The following CREBBP variants were observed in gnomAD, a reference collection of about 807,000 sequenced individuals.
CREBBP encodes the protein CREB binding lysine acetyltransferase, also known as CREB-binding protein.
A neutral mutation model predicts 265.0 loss-of-function variants in CREBBP; 19 were observed. The observed-to-expected ratio is 0.07, with a 90% CI of 0.05 to 0.11. The LOEUF is 0.11. Among genes scored for constraint, CREBBP ranks in the 10% least tolerant of loss-of-function variants. The pLI is 1.00. For synonymous variants in CREBBP, 1,457 were observed against 1,223.7 expected, an observed-to-expected ratio of 1.19 and a Z score of -3.98; for missense variants, 2,525 against 3,219.0, an observed-to-expected ratio of 0.78 and a Z score of 5.22.
At position 3,825,600 on chromosome 16, in the gene CREBBP, A is replaced by G. The variant is rs572102609; in HGVS notation, c.799-14821T>C. ...TTCAGTCCTCTTCTGACAAAAAAAA[A>G]AGAAAATGAGATCTACATCACAGTT... On this transcript the variant is annotated intron_variant, in intron 2 of 30. Transcript: ENST00000262367. 4.6e-5 allele frequency among the ~76,000 whole-genome samples: 7 copies of G among 151,850 alleles called. No individual in the cohort carries two copies. In the South Asian group the frequency reaches 1.5e-3, roughly 32 times the overall value.
chr16:3,790,421 C>A (rs865896382), intron 5 of CREBBP, among the ~76,000 whole-genome samples: 28 of 120,298 alleles, frequency 2.3e-4, no homozygotes, highest in African/African-American at 8.8e-4. Context: ...GTTGCCCAGG[C>A]TGGAGTGCAC....
chr16:3,826,244 T>C (rs1439513522), intron 2 of CREBBP, among the ~76,000 whole-genome samples: 3 of 152,140 alleles, frequency 2.0e-5, no homozygotes, highest in Non-Finnish European at 2.9e-5. Flanking sequence ...ATACATATCA[T>C]GTAAAAGACA....
intron 1 of CREBBP, among the ~76,000 whole-genome samples, chr16:3,862,354 C>G (rs1004147661): frequency 2.0e-5 from 3 of 151,922 alleles, no homozygotes; most frequent in Admixed American, 2.0e-4. Flanking sequence ...TGGCAGGAGC[C>G]CCAGGGTAGG....
chr16:3,813,735 A>C (rs531499113), intron 2 of CREBBP, among the ~76,000 whole-genome samples: 1 of 152,204 alleles, frequency 6.6e-6, no homozygotes, highest in Non-Finnish European at 1.5e-5. Flanking sequence ...AGCCAAGCCC[A>C]GTTCTGAGGC....
At chr16:3,849,428 T>TG (rs1567360137) in intron 2 of CREBBP, among the ~76,000 whole-genome samples, 35 of 7,940 alleles carry the variant, frequency 4.4e-3, no homozygotes, top group Non-Finnish European at 0.025. Flanking sequence ...TGTGTGTGTG[T>TG]GTGTGTGTGT....
At chr16:3,794,094 G>A (rs1466623461) in intron 3 of CREBBP, among the ~76,000 whole-genome samples, 5 of 151,682 alleles carry the variant, frequency 3.3e-5, no homozygotes, top group Admixed American at 3.3e-4. Context: ...CTGGGAGGCC[G>A]AGGCAGGCGG....
At chr16:3,875,514 G>A (rs1004182724) in intron 1 of CREBBP, among the ~76,000 whole-genome samples, 2 of 152,164 alleles carry the variant, frequency 1.3e-5, no homozygotes, top group Non-Finnish European at 2.9e-5. Flanking sequence ...CCCTAACCCA[G>A]GAGGAAGAAT....
chr16:3,810,716 T>C lies in CREBBP; in HGVS notation c.862A>G (p.Met288Val), dbSNP rs749031320. Residue 288 changes from methionine (M) to valine (V), a missense_variant, in exon 3 of 31, where the codon ATG becomes GTG. By Grantham distance (21) the Met-to-Val change is conservative (BLOSUM62 1). Around this residue, in one of 19 missense-constraint regions of CREBBP, gnomAD observed 126 missense variants for 171.9 expected, o/e 0.73. Transcript: ENST00000262367. The part of the protein sequence containing the change: ...QPFSQAGGQP[M>V]GATGVNPQLA... ...TGGGGGTTCACTCCAGTGGCTCCCA[T>C]TGGCTGCCCTCCAGCTTGACTAAAG... 9 of 1,613,974 alleles carry C rather than the reference T, an allele frequency of 5.6e-6. No homozygotes were observed. The highest frequency in any genetic ancestry group is 5.5e-5 in the South Asian group (5 of 91,060).
chr16:3,829,865 TAC>T (rs376777499), intron 2 of CREBBP, among the ~76,000 whole-genome samples: 64 of 151,880 alleles, frequency 4.2e-4, no homozygotes, highest in African/African-American at 5.3e-4. Flanking sequence ...ATGAAACAGA[TAC>T]AGAGATGACA....
intron 19 of CREBBP, among the ~76,000 whole-genome samples, chr16:3,752,046 C>A (rs1336470700): frequency 6.6e-6 from 1 of 152,110 alleles, no homozygotes; most frequent in Non-Finnish European, 1.5e-5. Context: ...GACACCAAGA[C>A]AACACAGAGC....
At position 3,801,909 on chromosome 16, in the gene CREBBP, T is replaced by C. The variant is rs147878129; in HGVS notation, c.976-8283A>G. 1.5e-3 allele frequency among the ~76,000 whole-genome samples: 229 copies of C among 152,174 alleles called. 5 individuals are homozygous for C. The East Asian group carries it at 0.042, about 28-fold the overall frequency. ...TTTAAACCTTAGTCTCCCCTGCCTG[T>C]TACTATTTTGAGCCACTGAGTAAAG... is the stretch of plus-strand genomic sequence containing the variant. On this transcript the variant is annotated intron_variant, in intron 3 of 30. Coordinates refer to ENST00000262367, the MANE Select transcript of CREBBP (RefSeq NM_004380.3).
chr16:3,739,865 TC>T, intron 24 of CREBBP, 141 bp from the exon 25 acceptor site: 1 of 1,159,914 alleles, frequency 8.6e-7, no homozygotes, highest in Non-Finnish European at 1.3e-6. Flanking sequence ...CCTGGAGTCC[TC>T]CCTATGGGCC....
intron 2 of CREBBP, among the ~76,000 whole-genome samples, chr16:3,847,233 T>C (rs1215327072): frequency 2.0e-5 from 3 of 152,262 alleles, no homozygotes; most frequent in Non-Finnish European, 4.4e-5. Flanking sequence ...GGTTTCATTA[T>C]GTATTTTAAA....
intron 19 of CREBBP, among the ~76,000 whole-genome samples, chr16:3,756,962 T>A (rs2052600219): frequency 6.6e-6 from 1 of 152,204 alleles, no homozygotes; most frequent in Non-Finnish European, 1.5e-5. Flanking sequence ...ACTGTAAAAG[T>A]ACGCTTTATA....
chr16:3,819,582 G>A (rs751820313), intron 2 of CREBBP, among the ~76,000 whole-genome samples: 1 of 152,162 alleles, frequency 6.6e-6, no homozygotes, highest in African/African-American at 2.4e-5. Flanking sequence ...TGGATTATGG[G>A]ACATTTTCAG....
At chr16:3,857,286 T>C (rs1194578312) in intron 1 of CREBBP, among the ~76,000 whole-genome samples, 1 of 152,128 alleles carries the variant, frequency 6.6e-6, no homozygotes, top group East Asian at 1.9e-4. Context: ...CAAATACATA[T>C]ACCAGCTGTT....
chr16:3,857,974 C>T (rs769974986), intron 1 of CREBBP, among the ~76,000 whole-genome samples: 16 of 152,202 alleles, frequency 1.1e-4, no homozygotes, highest in Non-Finnish European at 2.2e-4. Flanking sequence ...TACAGCCAAA[C>T]TCAGCCAGCC....
intron 1 of CREBBP, among the ~76,000 whole-genome samples, chr16:3,878,821 G>C (rs544292729): frequency 1.3e-5 from 2 of 152,328 alleles, no homozygotes; most frequent in Admixed American, 6.5e-5. Flanking sequence ...AGCTCTAAAA[G>C]AGGAAATACA....
Position 3,772,915 on chromosome 16 carries a change from CAA to C in CREBBP, c.2463+834_2463+835del, listed in dbSNP as rs144154476. On this transcript the variant is annotated intron_variant, in intron 13 of 30. Transcript: ENST00000262367. ...TGAAATCCCGTCTCTACTAAAAATACAAAAAAAAAAAAAAAAAAAAAAATTAG... is the reference window on the plus strand; with the variant it reads ...TGAAATCCCGTCTCTACTAAAAATACAAAAAAAAAAAAAAAAAAAAATTAG... Among the ~76,000 whole-genome samples the C allele has an allele frequency of 9.7e-3, 862 of 88,804 alleles. 8 individuals are homozygous for C. The highest frequency in any genetic ancestry group is 0.025 in the Middle Eastern group (4 of 158). 58.3% of individuals were successfully genotyped at this position (88,804 alleles called of 152,430 possible).
Sources: allele counts gnomAD v4.1 joint callset (sites outside exome capture counted in the v4.1 genomes callset), GRCh38; gene constraint gnomAD v4.1.1; regional missense constraint gnomAD v4.1.1; transcripts MANE v1.5; gene names NCBI Gene and HGNC (gene_info 2026-07-23, HGNC 2026-07-21).